The following SGPP2 variants were observed in gnomAD, a reference collection of about 807,000 sequenced individuals.
The protein encoded by SGPP2 is sphingosine 1-phosphate phosphohydrolase 2.
A neutral mutation model predicts 33.9 loss-of-function variants in SGPP2; 30 were observed. That is an observed-to-expected ratio of 0.89 (90% CI 0.66 to 1.20). The LOEUF (loss-of-function observed/expected upper bound fraction) is 1.20, where lower values mean the gene tolerates loss of function less well. SGPP2 is among the 50% of genes most tolerant of loss of function. The pLI, the probability that SGPP2 is intolerant of heterozygous loss-of-function variation, is 0.00. For missense variants in SGPP2, 458 were observed against 532.1 expected (o/e 0.86, Z 1.37); for synonymous variants, 233 against 225.0 (o/e 1.04, Z -0.32).
At chr2:222,489,747 C>T (rs145028627) in intron 2 of SGPP2, among the ~76,000 whole-genome samples, 5,232 of 152,122 alleles carry the variant, frequency 0.034, 294 homozygotes, top group African/African-American at 0.11. Context: ...AGGTGGATCA[C>T]CTGAGGTCAG....
intron 3 of SGPP2, among the ~76,000 whole-genome samples, chr2:222,522,900 C>G (rs1698708427): frequency 6.6e-6 from 1 of 152,202 alleles, no homozygotes; most frequent in South Asian, 2.1e-4. Context: ...CCAGGCTGGT[C>G]TTGAACTCCT....
chr2:222,548,111 C>A (rs1389062483), intron 4 of SGPP2, among the ~76,000 whole-genome samples: 1 of 152,186 alleles, frequency 6.6e-6, no homozygotes, highest in Non-Finnish European at 1.5e-5. Flanking sequence ...ATTTGCATTT[C>A]AACCAGATAA....
rs1311094670 is a variant in SGPP2, at chr2:222,460,230, A to G, written c.220-14338A>G. ...TTTCTTGCTAAATAACTGTATCATC[A>G]GATCCCACATGGCAGCGCCAAGGCC... On this transcript the variant is annotated intron_variant, in intron 1 of 4. Coordinates refer to ENST00000321276, the MANE Select transcript of SGPP2 (RefSeq NM_152386.4). This position sits in a 1 kb window ranked among gnomAD's most constrained non-coding sequence, Gnocchi z 4.3. Among the ~76,000 whole-genome samples the G allele has an allele frequency of 6.6e-6, 1 of 152,202 alleles. No individual in the cohort carries two copies. Among genetic ancestry groups the G allele is most frequent in the Non-Finnish European group, 1.5e-5 (1 of 68,032 alleles).
At chr2:222,489,815 A>C (rs1435170998) in intron 2 of SGPP2, among the ~76,000 whole-genome samples, 1 of 152,090 alleles carries the variant, frequency 6.6e-6, no homozygotes, top group African/African-American at 2.4e-5. Flanking sequence ...AAAATACAAA[A>C]TTAGCCAGGC....
intron 2 of SGPP2, among the ~76,000 whole-genome samples, chr2:222,479,399 CT>C (rs568165167): frequency 0.011 from 1,234 of 114,866 alleles, 1 homozygote; most frequent in Middle Eastern, 0.03. Context: ...ATCTACCCTT[CT>C]TTTTTTTTTT....
At position 222,525,040 on chromosome 2, in the gene SGPP2, C is replaced by G; in HGVS notation, c.648+7C>G. 1 of 1,612,034 alleles carries G rather than the reference C, an allele frequency of 6.2e-7. No homozygotes were observed. The highest frequency in any genetic ancestry group is 8.5e-7 in the Non-Finnish European group (1 of 1,178,400). On this transcript the variant is annotated splice_region_variant and intron_variant, in intron 4 of 4. Transcript: ENST00000321276. ...TGGGATGCATACGGTCCTGGTAAGG[C>G]TTTGTGGTCAGGTCTTGTGGTGATT...
chr2:222,456,460 T>C (rs1697576189), intron 1 of SGPP2, among the ~76,000 whole-genome samples: 1 of 152,256 alleles, frequency 6.6e-6, no homozygotes, highest in Non-Finnish European at 1.5e-5. Flanking sequence ...GATACCATAT[T>C]GAACAGCACA....
chr2:222,469,591 T>G (rs1277559116), intron 1 of SGPP2, among the ~76,000 whole-genome samples: 4 of 152,212 alleles, frequency 2.6e-5, no homozygotes, highest in Non-Finnish European at 5.9e-5. Flanking sequence ...TTCTGGAACT[T>G]GGTTTCATTG....
At chr2:222,466,277 T>TA (rs1697743917) in intron 1 of SGPP2, among the ~76,000 whole-genome samples, 1 of 147,424 alleles carries the variant, frequency 6.8e-6, no homozygotes, top group South Asian at 2.2e-4. Flanking sequence ...TTTTTTTTTT[T>TA]AGACAGAGTC....
chr2:222,441,201 AG>A (rs1051758436), intron 1 of SGPP2, among the ~76,000 whole-genome samples: 2 of 152,226 alleles, frequency 1.3e-5, no homozygotes, highest in African/African-American at 4.8e-5. Flanking sequence ...CTCATGGTTC[AG>A]TGGCTTCTTT....
chr2:222,529,633 C>A (rs2106140154), intron 4 of SGPP2, among the ~76,000 whole-genome samples: 1 of 152,322 alleles, frequency 6.6e-6, no homozygotes, highest in South Asian at 2.1e-4. Flanking sequence ...CTGCACCCAG[C>A]CTCTTGCTAT....
intron 2 of SGPP2, among the ~76,000 whole-genome samples, chr2:222,519,199 G>A (rs577715025): frequency 6.6e-6 from 1 of 152,308 alleles, no homozygotes; most frequent in East Asian, 1.9e-4. Flanking sequence ...TTGTACAAGA[G>A]GACTATATAG....
In SGPP2 at chr2:222,550,266, G is replaced by A. The variant is rs1689269949; in HGVS notation, c.649-8081G>A. ...ATTCTTAGGGATATTTCTTTTTTTG[G>A]CATGATGTGAAAATTATAAACAATC... On this transcript the variant is annotated intron_variant, in intron 4 of 4. Coordinates refer to ENST00000321276, the MANE Select transcript of SGPP2 (RefSeq NM_152386.4). The surrounding 1 kb of genome is among the most constrained non-coding windows in gnomAD (Gnocchi z 4.5). 6.6e-6 allele frequency among the ~76,000 whole-genome samples: 1 copy of A among 151,944 alleles called. No individual in the cohort carries two copies. The highest frequency in any genetic ancestry group is 6.6e-5 in the Admixed American group (1 of 15,246).
intron 4 of SGPP2, among the ~76,000 whole-genome samples, chr2:222,530,261 A>G (rs1358880474): frequency 6.6e-6 from 1 of 152,240 alleles, no homozygotes; most frequent in Non-Finnish European, 1.5e-5. Flanking sequence ...TACCAGCTGC[A>G]TTAGCCCCTA....
At chr2:222,490,332 A>G (rs6757951) in intron 2 of SGPP2, among the ~76,000 whole-genome samples, 67,772 of 151,986 alleles carry the variant, frequency 0.45, 16,386 homozygotes, top group Middle Eastern at 0.64. Context: ...CAGGCACTCA[A>G]ATCAAAACCC....
intron 2 of SGPP2, among the ~76,000 whole-genome samples, chr2:222,513,334 G>A (rs1698558299): frequency 6.6e-6 from 1 of 152,064 alleles, no homozygotes; most frequent in Non-Finnish European, 1.5e-5. Context: ...CATTTTATTG[G>A]ACAAATAACA....
At chr2:222,517,123 C>T (rs1317237451) in intron 2 of SGPP2, among the ~76,000 whole-genome samples, 1 of 152,156 alleles carries the variant, frequency 6.6e-6, no homozygotes, top group East Asian at 1.9e-4. Flanking sequence ...CTTAGTTAAA[C>T]CATCTTCCTT....
At chr2:222,459,405 C>A (rs1486571446) in intron 1 of SGPP2, among the ~76,000 whole-genome samples, 1 of 152,066 alleles carries the variant, frequency 6.6e-6, no homozygotes, top group East Asian at 1.9e-4. Context: ...CTGCCTCGGC[C>A]TCCCAAAGTG....
rs575839876 is a variant in SGPP2 at position 222,453,670 on chromosome 2, G to C, written c.220-20898G>C. Among the ~76,000 whole-genome samples, 3 of 152,028 alleles carry C rather than the reference G, an allele frequency of 2.0e-5. No individual in the cohort carries two copies. In the East Asian group the frequency reaches 5.8e-4, roughly 29 times the overall value. ...GCTTAATAACATTTTCTTTTCTCTAGATTACTTTATTATAAGAATACAGTA... is the reference window on the plus strand; with the variant it reads ...GCTTAATAACATTTTCTTTTCTCTACATTACTTTATTATAAGAATACAGTA... On this transcript the variant is annotated intron_variant, in intron 1 of 4. Transcript: ENST00000321276.
Sources: allele counts gnomAD v4.1 joint callset (sites outside exome capture counted in the v4.1 genomes callset), GRCh38; gene constraint gnomAD v4.1.1; non-coding constraint Gnocchi (gnomAD v3.1); transcripts MANE v1.5; gene names NCBI Gene and HGNC (gene_info 2026-07-23, HGNC 2026-07-21).